CKAP5: variants seen among roughly 807,000 people sequenced by gnomAD.
CKAP5 encodes the protein cytoskeleton-associated protein 5.
CKAP5 carries 27 observed loss-of-function variants against 232.8 expected under a neutral mutation model. The ratio of observed to expected loss-of-function variants is 0.12; its 90% CI spans 0.09 to 0.16. The LOEUF (loss-of-function observed/expected upper bound fraction) is 0.16, where lower values mean the gene tolerates loss of function less well. CKAP5 is among the 10% of genes least tolerant of loss of function. The probability of loss-of-function intolerance (pLI) is 1.00; values close to 1 mark genes in which losing one functional copy is unlikely to be tolerated. For missense variants in CKAP5, 1,838 were observed against 2,424.7 expected (o/e 0.76, Z 5.08); for synonymous variants, 785 against 841.1 (o/e 0.93, Z 1.16).
At chr11:46,798,265 T>C (rs7950923) in intron 9 of CKAP5, 93 bp from the exon 10 acceptor site, 14 of 925,190 alleles carry the variant, frequency 1.5e-5, no homozygotes, top group Admixed American at 2.1e-5. Flanking sequence ...AAAAATAGTA[T>C]GCTAAGTTAA....
intron 24 of CKAP5, among the ~76,000 whole-genome samples, chr11:46,772,866 C>A (rs1282251126): frequency 1.3e-5 from 2 of 151,730 alleles, no homozygotes; most frequent in African/African-American, 4.8e-5. Context: ...CACAGCCTCT[C>A]GAGTAGCTGG....
At position 46,775,422 on chromosome 11, in the gene CKAP5, T is replaced by G. The variant is rs984150304; in HGVS notation, c.2991+833A>C. 4.6e-5 allele frequency among the ~76,000 whole-genome samples: 7 copies of G among 152,318 alleles called. No individual in the cohort carries two copies. In the South Asian group the frequency reaches 1.0e-3, roughly 23 times the overall value. ...TTGTGGAAGACAGTGTGGCAATTCCTCAAGGACCCAGAACTAGAAATACCA... is the reference window on the plus strand; with the variant it reads ...TTGTGGAAGACAGTGTGGCAATTCCGCAAGGACCCAGAACTAGAAATACCA... On this transcript the variant is annotated intron_variant, in intron 24 of 43. Transcript: ENST00000529230.
rs748887275 is a variant in CKAP5 at position 46,801,314 on chromosome 11, G to A, written c.979-10C>T. 9 of 1,596,500 alleles carry A rather than the reference G, an allele frequency of 5.6e-6. No individual in the cohort carries two copies. Among genetic ancestry groups the A allele is most frequent in the African/African-American group, 2.7e-5 (2 of 74,550 alleles). On this transcript the variant is annotated splice_polypyrimidine_tract_variant and intron_variant, in intron 8 of 43. Coordinates refer to ENST00000529230, the MANE Select transcript of CKAP5 (RefSeq NM_001008938.4). ...TGTCCTTTCCAACAACCTACAAAGGGGGGTAAAAAGGAAAACAAAATAGTC... is the reference window on the plus strand; with the variant it reads ...TGTCCTTTCCAACAACCTACAAAGGAGGGTAAAAAGGAAAACAAAATAGTC...
intron 8 of CKAP5, among the ~76,000 whole-genome samples, chr11:46,805,052 C>T (rs1046621027): frequency 6.6e-6 from 1 of 151,040 alleles, no homozygotes; most frequent in Non-Finnish European, 1.5e-5. Flanking sequence ...CATGATGAAA[C>T]CCTGTCTCTA....
intron 1 of CKAP5, among the ~76,000 whole-genome samples, chr11:46,832,071 G>A (rs1189610980): frequency 6.6e-6 from 1 of 151,780 alleles, no homozygotes; most frequent in Non-Finnish European, 1.5e-5. Flanking sequence ...ACTTGCCCAG[G>A]CTGGTTTTGA....
At chr11:46,826,608 C>G (rs1939657404) in intron 1 of CKAP5, among the ~76,000 whole-genome samples, 1 of 152,200 alleles carries the variant, frequency 6.6e-6, no homozygotes, top group Non-Finnish European at 1.5e-5. Context: ...AGAAGTAGAG[C>G]AGATACCCTG....
chr11:46,815,207 T>C (rs971653241), intron 4 of CKAP5, among the ~76,000 whole-genome samples: 3 of 152,066 alleles, frequency 2.0e-5, no homozygotes, highest in African/African-American at 7.2e-5. Flanking sequence ...TGCGCCACCA[T>C]GCCCAGCTAA....
chr11:46,759,546 T>A, intron 33 of CKAP5, 104 bp from the exon 34 acceptor site: 1 of 1,182,008 alleles, frequency 8.5e-7, no homozygotes, highest in Non-Finnish European at 1.2e-6. Context: ...GATGTTCAAC[T>A]TCTGGTTTCA....
chr11:46,836,865 C>T (rs114488277), intron 1 of CKAP5, among the ~76,000 whole-genome samples: 1,771 of 152,202 alleles, frequency 0.012, 20 homozygotes, highest in Middle Eastern at 0.017. Flanking sequence ...GGCAGGAGTT[C>T]GAGACTTTTA....
At chr11:46,798,906 C>T (rs1938961623) in intron 9 of CKAP5, among the ~76,000 whole-genome samples, 1 of 152,162 alleles carries the variant, frequency 6.6e-6, no homozygotes, top group East Asian at 1.9e-4. Context: ...ACCAATAAAG[C>T]AAACATTTAA....
intron 8 of CKAP5, among the ~76,000 whole-genome samples, chr11:46,806,663 A>G (rs947933031): frequency 1.3e-5 from 2 of 152,258 alleles, no homozygotes; most frequent in African/African-American, 4.8e-5. Context: ...CCACTGAAGG[A>G]AAGCCTAGGA....
chr11:46,789,174 A>G (rs2065424555), intron 15 of CKAP5, among the ~76,000 whole-genome samples: 1 of 152,206 alleles, frequency 6.6e-6, no homozygotes, highest in African/African-American at 2.4e-5. Flanking sequence ...GTTCTAAAGT[A>G]CCGAATATCA....
At chr11:46,844,207 G>A (rs968151926) in intron 1 of CKAP5, among the ~76,000 whole-genome samples, 19 of 150,420 alleles carry the variant, frequency 1.3e-4, no homozygotes, top group African/African-American at 3.7e-4. Context: ...GGGCGAAAGA[G>A]CAAGACTCTG....
intron 34 of CKAP5, 67 bp from the exon 35 acceptor site, chr11:46,759,110 A>G: frequency 3.2e-6 from 5 of 1,567,504 alleles, no homozygotes; most frequent in Non-Finnish European, 4.4e-6. Context: ...TTGGAGTTAT[A>G]CAATTCTCCA....
At chr11:46,778,027 C>G in intron 22 of CKAP5, 112 bp downstream of exon 22, 1 of 826,896 alleles carries the variant, frequency 1.2e-6, no homozygotes, top group Non-Finnish European at 1.9e-6. Flanking sequence ...ATTTCTAGTT[C>G]AAAGCAAATA....
chr11:46,782,160 A>C (rs11038989), intron 18 of CKAP5, among the ~76,000 whole-genome samples: 4,022 of 152,038 alleles, frequency 0.026, 82 homozygotes, highest in South Asian at 0.13. Context: ...CTCTCTCTAT[A>C]TATATATTTT....
chr11:46,840,639 T>A (rs1463863790), intron 1 of CKAP5, among the ~76,000 whole-genome samples: 1 of 152,226 alleles, frequency 6.6e-6, no homozygotes, highest in Non-Finnish European at 1.5e-5. Flanking sequence ...GAACACATGG[T>A]GGTCCCTGGA....
chr11:46,778,344 G>A, intron 21 of CKAP5, 31 bp from the exon 22 acceptor site: 3 of 1,603,368 alleles, frequency 1.9e-6, no homozygotes, highest in Non-Finnish European at 2.6e-6. Context: ...TTTAATTCCA[G>A]ACTCCAAAAA....
chr11:46,759,220 G>T (rs143764463), intron 34 of CKAP5, 49 bp downstream of exon 34: 1 of 1,563,248 alleles, frequency 6.4e-7, no homozygotes, highest in Non-Finnish European at 8.7e-7. Context: ...CACGTAGGCC[G>T]TCTGATCATC....
Sources: allele counts gnomAD v4.1 joint callset (sites outside exome capture counted in the v4.1 genomes callset), GRCh38; gene constraint gnomAD v4.1.1; transcripts MANE v1.5; gene names NCBI Gene and HGNC (gene_info 2026-07-23, HGNC 2026-07-21).